RNF157: variants seen among roughly 807,000 people sequenced by gnomAD.
RNF157 encodes ring finger protein 157.
RNF157 carries 55 observed loss-of-function variants against 88.3 expected under a neutral mutation model. The observed-to-expected ratio is 0.62, with a 90% confidence interval of 0.50 to 0.78. RNF157 has a LOEUF of 0.78. RNF157 is among the 30% of genes least tolerant of loss of function. The pLI, the probability that RNF157 is intolerant of heterozygous loss-of-function variation, is 0.00. For missense variants in RNF157, 788 were observed against 860.8 expected (o/e 0.92, Z 1.06); for synonymous variants, 334 against 341.2 (o/e 0.98, Z 0.23).
chr17:76,146,541 T>C lies in RNF157; in HGVS notation c.1922-1188A>G. ...CTGGCTCCCTGGGGTAGGGAAGGCA[T>C]GTCGTCCTCCGGACCCTGTGGGCCT... On this transcript the variant is annotated intron_variant, in intron 18 of 18. Coordinates refer to ENST00000269391, the MANE Select transcript of RNF157 (RefSeq NM_052916.3). This position sits in a 1 kb window ranked among gnomAD's most constrained non-coding sequence, Gnocchi z 4.2. 2.0e-6 allele frequency: 2 copies of C among 985,438 alleles called. No individual in the cohort carries two copies. Among genetic ancestry groups the C allele is most frequent in the Non-Finnish European group, 2.4e-6 (2 of 829,920 alleles). The allele number at this position is 985,438 out of a possible 1,614,324, so 61.0% of individuals were successfully genotyped here. A position where few individuals can be genotyped will look rare whatever the true frequency, so the allele number is the denominator to read the frequency against.
chr17:76,156,392 G>A, intron 13 of RNF157, 71 bp from the exon 14 acceptor site: 1 of 1,603,746 alleles, frequency 6.2e-7, no homozygotes, highest in Non-Finnish European at 8.5e-7. Context: ...GAAGGGGTCA[G>A]GGCGGAGGTC....
At chr17:76,167,381 C>T (rs1408816615) in intron 4 of RNF157, among the ~76,000 whole-genome samples, 1 of 152,162 alleles carries the variant, frequency 6.6e-6, no homozygotes, top group African/African-American at 2.4e-5. Context: ...CACCATTTGT[C>T]ACTATACCAA....
intron 2 of RNF157, among the ~76,000 whole-genome samples, chr17:76,182,644 CA>C (rs939756787): frequency 1.3e-5 from 2 of 150,232 alleles, no homozygotes; most frequent in Non-Finnish European, 3.0e-5. Flanking sequence ...CAGTAGTCTA[CA>C]AAAAAACACA....
intron 6 of RNF157, among the ~76,000 whole-genome samples, chr17:76,165,940 A>C (rs1378785405): frequency 6.6e-6 from 1 of 151,546 alleles, no homozygotes; most frequent in Non-Finnish European, 1.5e-5. Context: ...AGCCTCCCAA[A>C]GTGCTAGGAT....
At position 76,226,089 on chromosome 17, in the gene RNF157, C is replaced by G. The variant is rs191918826; in HGVS notation, c.89-13607G>C. The G allele has an allele frequency of 2.7e-4, 435 of 1,602,082 alleles. 1 individual carries two copies. Among genetic ancestry groups the G allele is most frequent in the African/African-American group, 1.8e-3 (137 of 74,196 alleles). ...GATGGGAGGCTCCTATTTGGAGAGC[C>G]CCTGGTAGAGGGGCTATGCTGAGGA... On this transcript the variant is annotated intron_variant, in intron 1 of 18. Coordinates refer to ENST00000269391, the MANE Select transcript of RNF157 (RefSeq NM_052916.3).
intron 2 of RNF157, among the ~76,000 whole-genome samples, chr17:76,179,739 A>G (rs2069161472): frequency 6.6e-6 from 1 of 152,176 alleles, no homozygotes; most frequent in Admixed American, 6.5e-5. Flanking sequence ...CAGAGATCTC[A>G]CTCATATGCT....
In RNF157 at chr17:76,158,508, G is replaced by T. The variant is rs749014420; in HGVS notation, c.1305-7C>A. ...AGAGTTTTGGGAAGTGGATCTGTAG[G>T]AGTCCAGTGGAAAAGCAGCTATATC... On this transcript the variant is annotated splice_region_variant and splice_polypyrimidine_tract_variant and intron_variant, in intron 12 of 18. Coordinates refer to ENST00000269391, the MANE Select transcript of RNF157 (RefSeq NM_052916.3). The T allele has an allele frequency of 6.3e-7, 1 of 1,591,962 alleles. No individual in the cohort carries two copies. Among genetic ancestry groups the T allele is most frequent in the Non-Finnish European group, 8.6e-7 (1 of 1,160,216 alleles).
Position 76,146,581 on chromosome 17 carries a change from C to G in RNF157, c.1922-1228G>C. 2 of 985,444 alleles carry G rather than the reference C, an allele frequency of 2.0e-6. No individual in the cohort carries two copies. 61.0% of individuals were successfully genotyped at this position (985,444 alleles called of 1,614,324 possible). ...CCTGTGGGCCTCCCCAGCCGTGTCT[C>G]CCAGTGGCCTCCCCTCACGAGGCAT... On this transcript the variant is annotated intron_variant, in intron 18 of 18. Coordinates refer to ENST00000269391, the MANE Select transcript of RNF157 (RefSeq NM_052916.3). This position sits in a 1 kb window ranked among gnomAD's most constrained non-coding sequence, Gnocchi z 4.2.
At chr17:76,225,915 T>C (rs2070075217) in intron 1 of RNF157, 9 of 1,613,518 alleles carry the variant, frequency 5.6e-6, no homozygotes, top group Non-Finnish European at 2.5e-6. Flanking sequence ...GCCCTCTTCT[T>C]CTGGCGGTAC....
intron 1 of RNF157, among the ~76,000 whole-genome samples, chr17:76,227,152 T>C (rs2070106861): frequency 1.3e-5 from 2 of 151,544 alleles, no homozygotes; most frequent in Admixed American, 1.3e-4. Context: ...GTCTCACTCT[T>C]GTCGCCTAGG....
rs573768960 is a variant in RNF157, at chr17:76,206,863, C to T, written c.207+5501G>A. On this transcript the variant is annotated intron_variant, in intron 2 of 18. Coordinates refer to ENST00000269391, the MANE Select transcript of RNF157 (RefSeq NM_052916.3). ...CCAACTGGAAAGGTAGCAAGTATAG[C>T]TAACATTGCTGCATGCTGCTTTTTG... Among the ~76,000 whole-genome samples, 27 of 152,316 alleles carry T rather than the reference C, an allele frequency of 1.8e-4. No individual in the cohort carries two copies. The Middle Eastern group carries it at 0.017, about 96-fold the overall frequency.
intron 2 of RNF157, among the ~76,000 whole-genome samples, chr17:76,192,655 T>A (rs900340494): frequency 3.3e-5 from 5 of 152,100 alleles, no homozygotes; most frequent in Admixed American, 1.3e-4. Context: ...CAGACCACCA[T>A]GTGTTTTTAA....
intron 2 of RNF157, among the ~76,000 whole-genome samples, chr17:76,179,576 C>G (rs2069157912): frequency 6.6e-6 from 1 of 152,024 alleles, no homozygotes; most frequent in South Asian, 2.1e-4. Flanking sequence ...GCCTGTAGTC[C>G]CAGCTACTAG....
At chr17:76,196,239 A>G (rs558609302) in intron 2 of RNF157, among the ~76,000 whole-genome samples, 1 of 152,228 alleles carries the variant, frequency 6.6e-6, no homozygotes. Flanking sequence ...GAGATAAATA[A>G]ATGTCACAAA....
chr17:76,171,331 GAT>G (rs2069011097), intron 3 of RNF157, among the ~76,000 whole-genome samples: 1 of 152,066 alleles, frequency 6.6e-6, no homozygotes, highest in Non-Finnish European at 1.5e-5. Flanking sequence ...TAGGATTACA[GAT>G]GCGTGCCACC....
At position 76,157,048 on chromosome 17, in the gene RNF157, C is replaced by T. The variant is rs1598390584; in HGVS notation, c.1414-727G>A. ...GTGGTGCGGTCTTGGCTCACTGCAA[C>T]CCCTGCCTCCTGGGTTCAAGCGATT... is the stretch of plus-strand genomic sequence containing the variant. On this transcript the variant is annotated intron_variant, in intron 13 of 18. Transcript: ENST00000269391. This position sits in a 1 kb window ranked among gnomAD's most constrained non-coding sequence, Gnocchi z 5.6. 6.6e-6 allele frequency among the ~76,000 whole-genome samples: 1 copy of T among 151,922 alleles called. No homozygotes were observed. Among genetic ancestry groups the T allele is most frequent in the Admixed American group, 6.6e-5 (1 of 15,254 alleles).
intron 5 of RNF157, among the ~76,000 whole-genome samples, 180 bp from the exon 6 acceptor site, chr17:76,166,707 G>A (rs2068930718): frequency 6.6e-6 from 1 of 152,064 alleles, no homozygotes; most frequent in African/African-American, 2.4e-5. Flanking sequence ...TTTTAAAAAT[G>A]TCATAGATGT....
At position 76,150,345 on chromosome 17, in the gene RNF157, C is replaced by G. The variant is rs949776866; in HGVS notation, c.1921+2010G>C. 4.6e-5 allele frequency among the ~76,000 whole-genome samples: 7 copies of G among 152,260 alleles called. No individual in the cohort carries two copies. In the East Asian group the frequency reaches 1.2e-3, roughly 25 times the overall value. On this transcript the variant is annotated intron_variant, in intron 18 of 18. Transcript: ENST00000269391. ...CTCCACAAGTCACCCTAGGGAACCC[C>G]AGGGCTTCTCTCTTCCTCCCAGTCC...
rs1157307547 is a variant in RNF157, at chr17:76,145,088, T to G, written c.*147A>C. On this transcript the variant is annotated 3_prime_UTR_variant, in exon 19 of 19. Coordinates refer to ENST00000269391, the MANE Select transcript of RNF157 (RefSeq NM_052916.3). ...GAGGGTTCCAGTTCCCTCTGAGAGG[T>G]GAGGGATTGTGGTTACAGGTTGTAA... The G allele has an allele frequency of 5.1e-6, 3 of 583,106 alleles. No homozygotes were observed. The highest frequency in any genetic ancestry group is 3.8e-5 in the African/African-American group (2 of 53,052). 36.1% of individuals were successfully genotyped at this position (583,106 alleles called of 1,614,324 possible). A position where few individuals can be genotyped will look rare whatever the true frequency, so the allele number is the denominator to read the frequency against.
Sources: allele counts gnomAD v4.1 joint callset (sites outside exome capture counted in the v4.1 genomes callset), GRCh38; gene constraint gnomAD v4.1.1; non-coding constraint Gnocchi (gnomAD v3.1); transcripts MANE v1.5; gene names NCBI Gene and HGNC (gene_info 2026-07-23, HGNC 2026-07-21).